Variants in MTR observed in about 807,000 individuals in gnomAD.
MTR encodes methionine synthase.
MTR carries 84 observed loss-of-function variants against 154.8 expected under a neutral mutation model. That is an observed-to-expected ratio of 0.54 (90% CI 0.45 to 0.65). The LOEUF is 0.65. MTR is among the 30% of genes least tolerant of loss of function. The probability of loss-of-function intolerance (pLI) is 0.00; values close to 1 mark genes in which losing one functional copy is unlikely to be tolerated. For missense variants in MTR, 1,275 were observed against 1,570.2 expected, an observed-to-expected ratio of 0.81 and a Z score of 3.18; for synonymous variants, 554 against 553.9, an observed-to-expected ratio of 1.00 and a Z score of 0.00.
At chr1:236,816,580 T>G in intron 8 of MTR, 37 bp downstream of exon 8, 1 of 1,563,166 alleles carries the variant, frequency 6.4e-7, no homozygotes, top group Non-Finnish European at 8.8e-7. Flanking sequence ...CTTTTCTTTT[T>G]TGGGGAACCT....
chr1:236,889,900 C>T (rs1293364529), intron 28 of MTR, among the ~76,000 whole-genome samples: 4 of 152,204 alleles, frequency 2.6e-5, no homozygotes, highest in Admixed American at 6.5e-5. Context: ...GTGCTTGGAG[C>T]ATTGGGGAGG....
intron 22 of MTR, 110 bp from the exon 23 acceptor site, chr1:236,873,663 T>C (rs1665265384): frequency 1.1e-5 from 10 of 888,112 alleles, no homozygotes; most frequent in Middle Eastern, 4.5e-4. Flanking sequence ...TTCAACTTGA[T>C]TCTCGTTTAC....
intron 14 of MTR, among the ~76,000 whole-genome samples, 189 bp from the exon 15 acceptor site, chr1:236,838,225 G>GT (rs1392952699): frequency 6.6e-6 from 1 of 152,200 alleles, no homozygotes; most frequent in African/African-American, 2.4e-5. Context: ...GGAGTATCTT[G>GT]TAAGACTGAA....
chr1:236,813,006 G>A (rs1038964038), intron 6 of MTR, among the ~76,000 whole-genome samples, 162 bp downstream of exon 6: 2 of 152,094 alleles, frequency 1.3e-5, no homozygotes, highest in Non-Finnish European at 2.9e-5. Flanking sequence ...AGTACAATAA[G>A]AAAAACTTTA....
At chr1:236,828,051 C>T (rs1558291546) in intron 11 of MTR, among the ~76,000 whole-genome samples, 2 of 152,076 alleles carry the variant, frequency 1.3e-5, no homozygotes, top group Non-Finnish European at 1.5e-5. Context: ...GATCTCGGCT[C>T]ACTGCAAGCT....
At chr1:236,835,523 C>T (rs1276203963) in intron 13 of MTR, 24 bp from the exon 14 acceptor site, 1 of 1,612,628 alleles carries the variant, frequency 6.2e-7, no homozygotes, top group South Asian at 1.1e-5. Context: ...CCTAATGCTG[C>T]TTCCTCTCTC....
Position 236,821,212 on chromosome 1 carries a change from C to T in MTR, c.765-2907C>T, listed in dbSNP as rs182378588. 1.9e-3 allele frequency among the ~76,000 whole-genome samples: 295 copies of T among 152,318 alleles called. 1 individual carries two copies. The highest frequency in any genetic ancestry group is 6.9e-3 in the African/African-American group (288 of 41,564). ...AGCATGGCAGAAAAGTGAAAGGGCACGTTAGCATGTGTGAAAGAGAGGGGA... is the reference window on the plus strand; with the variant it reads ...AGCATGGCAGAAAAGTGAAAGGGCATGTTAGCATGTGTGAAAGAGAGGGGA... On this transcript the variant is annotated intron_variant, in intron 8 of 32. Transcript: ENST00000366577.
Position 236,826,850 on chromosome 1 carries a change from GT to G in MTR, c.950del (p.Val317AlafsTer3). ...GCAGGATTTTGCTATGGATGGCTTGGTCAATATAGTTGGAGGATGCTGTGGG... is the reference window on the plus strand; with the variant it reads ...GCAGGATTTTGCTATGGATGGCTTGGCAATATAGTTGGAGGATGCTGTGGG... ...HLKDFAMDGL[V>X]NIVGGCCGST... is the part of the protein sequence containing the mutation. On this transcript the variant is annotated frameshift_variant, in exon 11 of 33. Transcript: ENST00000366577. LOFTEE classifies it high-confidence loss of function. The G allele has an allele frequency of 4.3e-6, 7 of 1,614,082 alleles. No individual in the cohort carries two copies. Among genetic ancestry groups the G allele is most frequent in the Non-Finnish European group, 5.1e-6 (6 of 1,180,000 alleles).
In MTR at chr1:236,852,609, A is replaced by C; in HGVS notation, c.1784A>C (p.His595Pro). The C allele has an allele frequency of 1.2e-6, 2 of 1,614,026 alleles. No homozygotes were observed. Among genetic ancestry groups the C allele is most frequent in the Non-Finnish European group, 1.7e-6 (2 of 1,179,934 alleles). Residue 595 changes from histidine to proline, a missense_variant, in exon 17 of 33, where the codon CAT becomes CCT. Transcript: ENST00000366577. ...RGMEAIREAMHGVFLYHAIKS... is the reference protein window; with the variant it reads ...RGMEAIREAMPGVFLYHAIKS... ...ATGGAAGCCATTCGAGAAGCAATGC[A>C]TGGGGTTTTCCTTTACCATGCAATC...
At chr1:236,874,467 C>T (rs1399578732) in intron 23 of MTR, among the ~76,000 whole-genome samples, 1 of 151,390 alleles carries the variant, frequency 6.6e-6, no homozygotes, top group Non-Finnish European at 1.5e-5. Flanking sequence ...CGCAGCTACT[C>T]AGGAGGGGCA....
chr1:236,878,980 C>T (rs1267085799), intron 24 of MTR, among the ~76,000 whole-genome samples: 4 of 152,200 alleles, frequency 2.6e-5, no homozygotes, highest in South Asian at 4.1e-4. Flanking sequence ...CCTTTGCTTC[C>T]GTTTACAAGT....
At chr1:236,874,897 A>G (rs1346383379) in intron 24 of MTR, 51 bp downstream of exon 24, 1 of 1,598,416 alleles carries the variant, frequency 6.3e-7, no homozygotes. Flanking sequence ...CTTATATGCC[A>G]GTGTTTGAAA....
intron 18 of MTR, among the ~76,000 whole-genome samples, chr1:236,853,856 A>C (rs1477931157): frequency 2.6e-5 from 4 of 152,208 alleles, no homozygotes; most frequent in African/African-American, 4.8e-5. Flanking sequence ...TTTCTCATTT[A>C]TATGTTGGGC....
At chr1:236,887,620 C>G (rs545105259) in intron 27 of MTR, among the ~76,000 whole-genome samples, 57 of 152,346 alleles carry the variant, frequency 3.7e-4, no homozygotes, top group African/African-American at 1.3e-3. Context: ...CCCACAGCAC[C>G]TGGCAGCGGT....
chr1:236,836,047 TATAAC>T (rs1217435745), intron 14 of MTR, among the ~76,000 whole-genome samples: 2 of 152,172 alleles, frequency 1.3e-5, no homozygotes, highest in Non-Finnish European at 2.9e-5. Context: ...AATTCTTTCT[TATAAC>T]AGGAAGGAGA....
At chr1:236,892,262 AGGAGTT>A (rs1473996636) in intron 29 of MTR, among the ~76,000 whole-genome samples, 1 of 152,176 alleles carries the variant, frequency 6.6e-6, no homozygotes, top group Non-Finnish European at 1.5e-5. Flanking sequence ...GCTTGAGCCT[AGGAGTT>A]TGAGACTAGC....
intron 15 of MTR, among the ~76,000 whole-genome samples, chr1:236,839,351 A>G (rs1437349071): frequency 6.6e-6 from 1 of 151,222 alleles, no homozygotes; most frequent in Non-Finnish European, 1.5e-5. Context: ...CAGTCAACCC[A>G]GTAGGAAAAT....
At chr1:236,854,269 A>T (rs553801818) in intron 18 of MTR, among the ~76,000 whole-genome samples, 16 of 152,316 alleles carry the variant, frequency 1.1e-4, no homozygotes, top group African/African-American at 3.6e-4. Context: ...AAAGGAGTTC[A>T]GACACTGTGC....
intron 3 of MTR, among the ~76,000 whole-genome samples, chr1:236,808,283 C>T (rs1661098631): frequency 6.6e-6 from 1 of 152,194 alleles, no homozygotes; most frequent in Non-Finnish European, 1.5e-5. Flanking sequence ...GAATCAAGGC[C>T]TGGAAAAGTT....
Sources: gnomAD v4.1 joint callset for allele counts (sites outside exome capture counted in the v4.1 genomes callset) on GRCh38, gnomAD v4.1.1 for gene constraint, MANE v1.5 for transcripts, NCBI Gene and HGNC (gene_info 2026-07-23, HGNC 2026-07-21) for gene names.